PLB1: variants seen among roughly 807,000 people sequenced by gnomAD.
PLB1 encodes phospholipase B1.
A neutral mutation model predicts 227.4 loss-of-function variants in PLB1; 242 were observed. The observed-to-expected ratio is 1.06, with a 90% CI of 0.96 to 1.18. PLB1 has a LOEUF of 1.18. PLB1 is among the 50% of genes most tolerant of loss of function. The probability of loss-of-function intolerance (pLI) is 0.00; values close to 1 mark genes in which losing one functional copy is unlikely to be tolerated. For missense variants in PLB1, 1,858 were observed against 1,816.3 expected (o/e 1.02, Z -0.42); for synonymous variants, 757 against 682.2 (o/e 1.11, Z -1.71).
chr2:28,590,182 C>T (rs1488714603), intron 29 of PLB1, 106 bp downstream of exon 29: 1 of 968,354 alleles, frequency 1.0e-6, no homozygotes, highest in Non-Finnish European at 1.6e-6. Flanking sequence ...CCACCCACCC[C>T]ATTTTATACT....
intron 43 of PLB1, 136 bp downstream of exon 43, chr2:28,606,703 G>A: frequency 1.3e-6 from 1 of 783,554 alleles, no homozygotes; most frequent in Non-Finnish European, 2.2e-6. Flanking sequence ...TTGGAGGATG[G>A]AGGGGAGTCC....
chr2:28,522,964 A>G (rs564173819), intron 4 of PLB1, among the ~76,000 whole-genome samples: 8 of 152,320 alleles, frequency 5.3e-5, no homozygotes, highest in Admixed American at 5.2e-4. Context: ...AAAAGTCCAT[A>G]GTGCTGACAT....
At chr2:28,610,839 C>T (rs1457542595) in intron 43 of PLB1, among the ~76,000 whole-genome samples, 1 of 152,082 alleles carries the variant, frequency 6.6e-6, no homozygotes, top group African/African-American at 2.4e-5. Flanking sequence ...ACCGTCTTTG[C>T]ATGGCTGGAA....
chr2:28,572,413 C>G (rs1054972806), intron 20 of PLB1, among the ~76,000 whole-genome samples: 7 of 152,200 alleles, frequency 4.6e-5, no homozygotes, highest in African/African-American at 1.7e-4. Flanking sequence ...CTCTTAGATA[C>G]ATATCCAAGG....
At chr2:28,543,092 A>G in intron 13 of PLB1, 120 bp from the exon 14 acceptor site, 1 of 988,994 alleles carries the variant, frequency 1.0e-6, no homozygotes, top group Admixed American at 2.8e-5. Context: ...GGCTGAGAGA[A>G]AAGGCCTGGA....
intron 57 of PLB1, 87 bp downstream of exon 57, chr2:28,641,088 G>A (rs893993500): frequency 1.6e-6 from 2 of 1,274,352 alleles, no homozygotes; most frequent in Non-Finnish European, 2.2e-6. Flanking sequence ...GGAGTCCCCG[G>A]GGATGCTCCC....
chr2:28,581,769 G>A (rs961353782), intron 23 of PLB1, among the ~76,000 whole-genome samples: 5 of 151,948 alleles, frequency 3.3e-5, no homozygotes, highest in African/African-American at 1.2e-4. Flanking sequence ...GGACCAGCCT[G>A]GGCAACATGG....
rs114998553 is a variant in PLB1 at position 28,630,789 on chromosome 2, C to A, written c.3897+125C>A. ...GCCACTCCCTAAAAGCAGATTGCAG[C>A]CCCTGAAATACTTACCCCTGCAAAT... On this transcript the variant is annotated intron_variant, in intron 54 of 57. Transcript: ENST00000327757. 2.5e-3 allele frequency: 1,799 copies of A among 721,322 alleles called. 31 individuals carry two copies. In the African/African-American group the frequency reaches 0.028, roughly 11 times the overall value. The allele number at this position is 721,322 out of a possible 1,614,324, so 44.7% of individuals were successfully genotyped here.
intron 50 of PLB1, 22 bp from the exon 51 acceptor site, chr2:28,626,406 T>C: frequency 1.2e-6 from 2 of 1,610,172 alleles, no homozygotes; most frequent in Non-Finnish European, 8.5e-7. Flanking sequence ...AGGCCTAAAC[T>C]CAGGATCTTC....
At chr2:28,557,083 G>C (rs1420628022) in intron 17 of PLB1, among the ~76,000 whole-genome samples, 1 of 152,102 alleles carries the variant, frequency 6.6e-6, no homozygotes, top group Non-Finnish European at 1.5e-5. Flanking sequence ...CTATCATCAG[G>C]AAGGAATGAT....
chr2:28,611,587 TTC>T (rs960777848), intron 43 of PLB1, among the ~76,000 whole-genome samples: 1 of 152,128 alleles, frequency 6.6e-6, no homozygotes, highest in Non-Finnish European at 1.5e-5. Context: ...AATTGTGAGT[TTC>T]TCTCTCTCCT....
chr2:28,555,421 C>T (rs1674923892), intron 17 of PLB1, among the ~76,000 whole-genome samples: 1 of 152,122 alleles, frequency 6.6e-6, no homozygotes, highest in Non-Finnish European at 1.5e-5. Context: ...GGATTACAGG[C>T]ATGAGCTACT....
chr2:28,588,027 C>T (rs1300828465), intron 26 of PLB1, among the ~76,000 whole-genome samples: 7 of 152,156 alleles, frequency 4.6e-5, no homozygotes, highest in South Asian at 4.1e-4. Context: ...TGGAGATGCC[C>T]GTGTGTCAGC....
At chr2:28,513,553 A>G (rs1440190118) in intron 1 of PLB1, among the ~76,000 whole-genome samples, 1 of 152,236 alleles carries the variant, frequency 6.6e-6, no homozygotes, top group African/African-American at 2.4e-5. Flanking sequence ...CTTCAAGGAT[A>G]AAACTGGTAT....
At chr2:28,596,363 C>A (rs553348772) in intron 33 of PLB1, among the ~76,000 whole-genome samples, 1 of 152,158 alleles carries the variant, frequency 6.6e-6, no homozygotes, top group Admixed American at 6.5e-5. Flanking sequence ...TCCTTTTCTT[C>A]TGGAAGTTTT....
Position 28,589,926 on chromosome 2 carries a change from C to T in PLB1, c.2017-79C>T, listed in dbSNP as rs1270150982. 1.7e-5 allele frequency: 24 copies of T among 1,428,442 alleles called. No individual in the cohort carries two copies. The Admixed American group carries it at 2.0e-4, about 12-fold the overall frequency. The allele number at this position is 1,428,442 out of a possible 1,614,324, so 88.5% of individuals were successfully genotyped here. ...ATCTCCTTCATCCCTCCCTGCCTCCCGCACCCCTGACCTGCGTCCTGAGCT... is the reference window on the plus strand; with the variant it reads ...ATCTCCTTCATCCCTCCCTGCCTCCTGCACCCCTGACCTGCGTCCTGAGCT... On this transcript the variant is annotated intron_variant, in intron 28 of 57. Transcript: ENST00000327757.
At position 28,519,672 on chromosome 2, in the gene PLB1, C is replaced by T. The variant is rs183727150; in HGVS notation, c.185-33C>T. On this transcript the variant is annotated intron_variant, in intron 3 of 57. Coordinates refer to ENST00000327757, the MANE Select transcript of PLB1 (RefSeq NM_153021.5). ...GGCCGACATCATGGGGAATGTAGAT[C>T]TGACCTTCCTATATGGGTTCTTGTC... The T allele has an allele frequency of 3.9e-6, 6 of 1,529,772 alleles. No individual in the cohort carries two copies. The South Asian group carries it at 6.7e-5, about 17-fold the overall frequency. The allele number at this position is 1,529,772 out of a possible 1,614,324, so 94.8% of individuals were successfully genotyped here.
chr2:28,601,160 G>A lies in PLB1; in HGVS notation c.2527-92G>A, dbSNP rs1683809771. 2.8e-6 allele frequency: 3 copies of A among 1,075,846 alleles called. 1 individual carries two copies. The African/African-American group carries it at 4.7e-5, about 17-fold the overall frequency. The allele number at this position is 1,075,846 out of a possible 1,614,324, so 66.6% of individuals were successfully genotyped here. Reference sequence around the variant, plus strand: ...TGATTCCATTATTTCAAGTGGGCAAGGATGTTATAGAGGGTTGAATGGATT... The same window carrying A: ...TGATTCCATTATTTCAAGTGGGCAAAGATGTTATAGAGGGTTGAATGGATT... On this transcript the variant is annotated intron_variant, in intron 36 of 57. Coordinates refer to ENST00000327757, the MANE Select transcript of PLB1 (RefSeq NM_153021.5).
In PLB1 at chr2:28,562,916, T is replaced by C. The variant is rs568137254; in HGVS notation, c.1148-125T>C. On this transcript the variant is annotated intron_variant, in intron 17 of 57. Transcript: ENST00000327757. Reference sequence around the variant, plus strand: ...GGTTTTTCCTATCTTTTATCCAAGGTGTCTTGGTGGTAAAAACTGACTTTT... The same window carrying C: ...GGTTTTTCCTATCTTTTATCCAAGGCGTCTTGGTGGTAAAAACTGACTTTT... The C allele has an allele frequency of 9.4e-6, 8 of 850,670 alleles. No homozygotes were observed. In the African/African-American group the frequency reaches 1.4e-4, roughly 14 times the overall value. 52.7% of individuals were successfully genotyped at this position (850,670 alleles called of 1,614,324 possible). A position where few individuals can be genotyped will look rare whatever the true frequency, so the allele number is the denominator to read the frequency against.
Sources: gnomAD v4.1 joint callset for allele counts (sites outside exome capture counted in the v4.1 genomes callset) on GRCh38, gnomAD v4.1.1 for gene constraint, MANE v1.5 for transcripts, NCBI Gene and HGNC (gene_info 2026-07-23, HGNC 2026-07-21) for gene names.